The following MIPOL1 variants were observed in gnomAD, a reference collection of about 807,000 sequenced individuals.
MIPOL1 encodes mirror-image polydactyly 1.
MIPOL1 carries 57 observed loss-of-function variants against 60.9 expected under a neutral mutation model. The observed-to-expected ratio is 0.94, with a 90% CI of 0.76 to 1.17. MIPOL1 has a LOEUF of 1.17. Among genes scored for constraint, MIPOL1 ranks in the 50% most tolerant of loss-of-function variants. The pLI is 0.00. For synonymous variants in MIPOL1, 179 were observed against 168.8 expected (o/e 1.06, Z -0.47); for missense variants, 551 against 511.6 (o/e 1.08, Z -0.74).
intron 9 of MIPOL1, among the ~76,000 whole-genome samples, chr14:37,326,603 G>T (rs978203897): frequency 1.3e-5 from 2 of 152,200 alleles, no homozygotes; most frequent in African/African-American, 4.8e-5. Context: ...GGTCTGTACT[G>T]CTGGCAGACT....
chr14:37,397,904 G>A (rs1419594552), intron 10 of MIPOL1, among the ~76,000 whole-genome samples: 3 of 152,164 alleles, frequency 2.0e-5, no homozygotes, highest in Non-Finnish European at 4.4e-5. Context: ...CTGCCTCTGA[G>A]TTGCGAAAGA....
chr14:37,251,736 A>G (rs564337426), intron 3 of MIPOL1, among the ~76,000 whole-genome samples: 2 of 152,128 alleles, frequency 1.3e-5, no homozygotes, highest in East Asian at 3.9e-4. Flanking sequence ...ACTGTTATAA[A>G]TTCCTGATCA....
At chr14:37,353,583 A>T (rs371593442) in intron 9 of MIPOL1, among the ~76,000 whole-genome samples, 7 of 151,180 alleles carry the variant, frequency 4.6e-5, no homozygotes, top group Admixed American at 4.6e-4. Flanking sequence ...ACAATTTCAG[A>T]TCCTGTTATT....
intron 1 of MIPOL1, among the ~76,000 whole-genome samples, chr14:37,224,274 G>A (rs1969321990): frequency 6.6e-6 from 1 of 152,142 alleles, no homozygotes; most frequent in African/African-American, 2.4e-5. Flanking sequence ...GAACCCAGCA[G>A]TTTGAGACCA....
chr14:37,266,870 G>T, intron 3 of MIPOL1, 68 bp from the exon 4 acceptor site: 1 of 1,042,258 alleles, frequency 9.6e-7, no homozygotes, highest in South Asian at 1.4e-5. Flanking sequence ...ATATTTATTT[G>T]ACTGAATGAT....
At chr14:37,316,890 A>C (rs1348552501) in intron 9 of MIPOL1, among the ~76,000 whole-genome samples, 1 of 152,042 alleles carries the variant, frequency 6.6e-6, no homozygotes, top group Non-Finnish European at 1.5e-5. Flanking sequence ...AGGCAGGAGA[A>C]TCGCTTGAAC....
intron 1 of MIPOL1, among the ~76,000 whole-genome samples, chr14:37,210,447 G>A (rs983470331): frequency 6.6e-6 from 1 of 152,118 alleles, no homozygotes; most frequent in African/African-American, 2.4e-5. Context: ...TCGCCCATTG[G>A]GTTCTTCCTG....
chr14:37,449,726 T>C (rs1329331991), intron 11 of MIPOL1, among the ~76,000 whole-genome samples: 1 of 152,170 alleles, frequency 6.6e-6, no homozygotes, highest in Non-Finnish European at 1.5e-5. Context: ...GCTTCTTTCT[T>C]ACTTGAGCCA....
intron 9 of MIPOL1, among the ~76,000 whole-genome samples, 197 bp from the exon 10 acceptor site, chr14:37,369,320 A>G (rs1259130569): frequency 1.3e-5 from 2 of 152,076 alleles, no homozygotes; most frequent in Non-Finnish European, 2.9e-5. Context: ...ACTGAAAATT[A>G]TAATTGAATT....
intron 10 of MIPOL1, among the ~76,000 whole-genome samples, chr14:37,387,542 T>A (rs1472863267): frequency 1.3e-5 from 2 of 151,960 alleles, no homozygotes; most frequent in Non-Finnish European, 2.9e-5. Context: ...ATACAGTATT[T>A]CCATTGAGTG....
chr14:37,303,747 T>C (rs549921465), intron 7 of MIPOL1, among the ~76,000 whole-genome samples: 1 of 151,980 alleles, frequency 6.6e-6, no homozygotes, highest in East Asian at 1.9e-4. Flanking sequence ...GGTACAGTGC[T>C]AGTTGCTGGG....
chr14:37,409,555 C>T (rs1192909625), intron 10 of MIPOL1, among the ~76,000 whole-genome samples: 2 of 152,076 alleles, frequency 1.3e-5, no homozygotes, highest in Admixed American at 6.5e-5. Context: ...TGGGAGGCCA[C>T]CGCTGGTGAA....
In MIPOL1 at chr14:37,550,733, T is replaced by C. The variant is rs900637374; in HGVS notation, c.*3762T>C. On this transcript the variant is annotated 3_prime_UTR_variant, in exon 13 of 13. Coordinates refer to ENST00000684589, the MANE Select transcript of MIPOL1 (RefSeq NM_001388067.1). ...GATGTGGTTTGTTTTGGCACTGTTT[T>C]AAAAACTCAAATATTTTAAACATTT... The C allele has an allele frequency of 6.6e-6, 1 of 152,498 alleles. No individual in the cohort carries two copies. Among genetic ancestry groups the C allele is most frequent in the Non-Finnish European group, 1.5e-5 (1 of 67,964 alleles). 9.4% of individuals were successfully genotyped at this position (152,498 alleles called of 1,614,324 possible). A position where few individuals can be genotyped will look rare whatever the true frequency, so the allele number is the denominator to read the frequency against.
chr14:37,333,818 G>A (rs1026539812), intron 9 of MIPOL1, among the ~76,000 whole-genome samples: 4 of 151,980 alleles, frequency 2.6e-5, no homozygotes, highest in African/African-American at 9.7e-5. Context: ...ATTGACAGAC[G>A]ATTTGAACAA....
At chr14:37,228,858 A>T (rs1792560101) in intron 1 of MIPOL1, among the ~76,000 whole-genome samples, 1 of 152,184 alleles carries the variant, frequency 6.6e-6, no homozygotes, top group Admixed American at 6.5e-5. Context: ...TTGGGAGGAC[A>T]AGGCGGGAGA....
chr14:37,221,429 C>T (rs905861995), intron 1 of MIPOL1, among the ~76,000 whole-genome samples: 7 of 152,128 alleles, frequency 4.6e-5, no homozygotes, highest in African/African-American at 1.4e-4. Flanking sequence ...AATACTGTCA[C>T]GTGGTGTGTT....
At chr14:37,354,374 G>A (rs1183746290) in intron 9 of MIPOL1, among the ~76,000 whole-genome samples, 1 of 51,390 alleles carries the variant, frequency 1.9e-5, no homozygotes, top group Non-Finnish European at 3.6e-5. Flanking sequence ...TGAAAAAAAT[G>A]TATATTCTGT....
At chr14:37,531,463 A>T (rs1312781774) in intron 12 of MIPOL1, among the ~76,000 whole-genome samples, 2 of 152,096 alleles carry the variant, frequency 1.3e-5, no homozygotes, top group Non-Finnish European at 2.9e-5. Flanking sequence ...ATGAACAAAA[A>T]ATATATATAT....
chr14:37,226,500 T>C (rs1239791211), intron 1 of MIPOL1, among the ~76,000 whole-genome samples: 1 of 152,016 alleles, frequency 6.6e-6, no homozygotes, highest in African/African-American at 2.4e-5. Flanking sequence ...AACCATCAGA[T>C]CTCATGAGAC....
Sources: allele counts gnomAD v4.1 joint callset (sites outside exome capture counted in the v4.1 genomes callset), GRCh38; gene constraint gnomAD v4.1.1; transcripts MANE v1.5; gene names NCBI Gene and HGNC (gene_info 2026-07-23, HGNC 2026-07-21).